Variants in MCM10 observed in about 807,000 individuals in gnomAD.
MCM10 encodes protein MCM10 homolog.
In MCM10, 91 loss-of-function variants were observed where a neutral mutation model predicts 109.9. That is an observed-to-expected ratio of 0.83 (90% CI 0.70 to 0.99). MCM10 has a LOEUF of 0.99. Ranked by LOEUF, MCM10 falls within the 50% of genes least tolerant of loss-of-function variation. MCM10 has a pLI of 0.00. For missense variants in MCM10, 1,077 were observed against 1,061.2 expected (o/e 1.01, Z -0.21); for synonymous variants, 380 against 387.2 (o/e 0.98, Z 0.22).
chr10:13,168,230 G>C (rs1834027342), intron 2 of MCM10, among the ~76,000 whole-genome samples: 1 of 152,222 alleles, frequency 6.6e-6, no homozygotes, highest in Admixed American at 6.5e-5. Context: ...ACAGGGGGCT[G>C]CCTGGCCTCT....
In MCM10 at chr10:13,171,031, C is replaced by T. The variant is rs1834064485; in HGVS notation, c.117C>T (p.Pro39=). The T allele has an allele frequency of 1.9e-6, 3 of 1,613,958 alleles. No individual in the cohort carries two copies. Among genetic ancestry groups the T allele is most frequent in the Admixed American group, 1.7e-5 (1 of 59,984 alleles). Reference sequence around the variant, plus strand: ...TCTTGACGCGGGAAAATGGCGAGCCCGACGCATTTGATGAGCTCTTTGATG... The same window carrying T: ...TCTTGACGCGGGAAAATGGCGAGCCTGACGCATTTGATGAGCTCTTTGATG... ...NNFLTRENGE[P]DAFDELFDAD... is the part of the protein sequence containing the mutation. The change falls in exon 3 of 20, where the codon CCC becomes CCT. Residue 39 remains proline, a synonymous_variant. Transcript: ENST00000378714.
At chr10:13,176,103 T>C (rs1327874755) in intron 6 of MCM10, among the ~76,000 whole-genome samples, 1 of 152,192 alleles carries the variant, frequency 6.6e-6, no homozygotes, top group South Asian at 2.1e-4. Flanking sequence ...CTCTTCTGGG[T>C]CTTTTGCGGT....
At chr10:13,174,989 G>A (rs981397433) in intron 5 of MCM10, among the ~76,000 whole-genome samples, 2 of 152,094 alleles carry the variant, frequency 1.3e-5, no homozygotes, top group African/African-American at 4.8e-5. Context: ...TTAGCCGGAC[G>A]TGGTGGCGCA....
chr10:13,166,648 A>AT lies in MCM10; in HGVS notation c.7+2439_7+2440insT, dbSNP rs1564379490. Among the ~76,000 whole-genome samples the AT allele has an allele frequency of 3.4e-3, 201 of 59,970 alleles. 7 individuals are homozygous for AT. Among genetic ancestry groups the AT allele is most frequent in the African/African-American group, 0.011 (190 of 17,178 alleles). The allele number at this position is 59,970 out of a possible 152,430, so 39.3% of individuals were successfully genotyped here. ...AAAACTCTGTCTCAAAAAAAAAAAA[A>AT]AATACATACATACATATATATATAT... is the stretch of plus-strand genomic sequence containing the variant. On this transcript the variant is annotated intron_variant, in intron 2 of 19. Coordinates refer to ENST00000378714, the MANE Select transcript of MCM10 (RefSeq NM_018518.5).
At chr10:13,175,144 C>T (rs902827387) in intron 5 of MCM10, among the ~76,000 whole-genome samples, 32 of 151,580 alleles carry the variant, frequency 2.1e-4, no homozygotes, top group Admixed American at 4.6e-4. Flanking sequence ...AGGAACAGTT[C>T]GGACTGTGTG....
chr10:13,166,125 A>G (rs1833994040), intron 2 of MCM10, among the ~76,000 whole-genome samples: 1 of 152,002 alleles, frequency 6.6e-6, no homozygotes, highest in Non-Finnish European at 1.5e-5. Flanking sequence ...GCTTCAGAGG[A>G]GAGGGAGAAA....
chr10:13,170,239 G>A (rs1438079551), intron 2 of MCM10, among the ~76,000 whole-genome samples: 1 of 152,176 alleles, frequency 6.6e-6, no homozygotes, highest in African/African-American at 2.4e-5. Context: ...GTTGGGATAA[G>A]ATTTGGCATG....
intron 16 of MCM10, among the ~76,000 whole-genome samples, 157 bp downstream of exon 16, chr10:13,198,964 C>T (rs529698162): frequency 3.3e-5 from 5 of 152,272 alleles, no homozygotes; most frequent in African/African-American, 7.2e-5. Context: ...GGCGCCATCT[C>T]GGCTCAATGC....
chr10:13,166,218 T>C (rs1173356301), intron 2 of MCM10, among the ~76,000 whole-genome samples: 1 of 152,040 alleles, frequency 6.6e-6, no homozygotes, highest in African/African-American at 2.4e-5. Context: ...TGTAAGAATG[T>C]AAGTGGAAGA....
chr10:13,171,362 G>A (rs1456573099), intron 3 of MCM10, 99 bp downstream of exon 3: 4 of 1,107,608 alleles, frequency 3.6e-6, no homozygotes, highest in Non-Finnish European at 5.1e-6. Flanking sequence ...TTCAAGGGTA[G>A]AGATAAATGA....
chr10:13,198,543 T>C (rs11258246), intron 15 of MCM10, 146 bp from the exon 16 acceptor site: 37,788 of 623,336 alleles, frequency 0.061, 1,441 homozygotes, highest in Admixed American at 0.098. Context: ...TCTGAGAGCT[T>C]TTCCCTGCTG....
intron 6 of MCM10, among the ~76,000 whole-genome samples, chr10:13,176,102 G>A (rs1263297992): frequency 1.3e-5 from 2 of 151,972 alleles, no homozygotes; most frequent in African/African-American, 2.4e-5. Flanking sequence ...GCTCTTCTGG[G>A]TCTTTTGCGG....
Position 13,209,269 on chromosome 10 carries a change from AGAG to A in MCM10, c.2588_2590del (p.Gly863del), listed in dbSNP as rs1222107013. The stretch of plus-strand genomic sequence containing the variant: ...GATAGGAGGAGAAACTCTGTTACCA[AGAG>A]GAGAAGAACATGCTAAATTTCTGAA... On this transcript the variant is annotated inframe_deletion, in exon 20 of 20. Coordinates refer to ENST00000378714, the MANE Select transcript of MCM10 (RefSeq NM_018518.5). 3 of 1,614,014 alleles carry A rather than the reference AGAG, an allele frequency of 1.9e-6. No individual in the cohort carries two copies. Among genetic ancestry groups the A allele is most frequent in the Non-Finnish European group, 2.5e-6 (3 of 1,179,994 alleles).
At chr10:13,173,931 T>C (rs1164876197) in intron 5 of MCM10, among the ~76,000 whole-genome samples, 1 of 152,098 alleles carries the variant, frequency 6.6e-6, no homozygotes, top group African/African-American at 2.4e-5. Flanking sequence ...GAGAGAGTGA[T>C]ATTTTATTAA....
chr10:13,170,656 T>G (rs1446689506), intron 2 of MCM10, among the ~76,000 whole-genome samples: 2 of 152,278 alleles, frequency 1.3e-5, no homozygotes, highest in Non-Finnish European at 2.9e-5. Context: ...GGCAAAATGG[T>G]GCATCTGTAG....
At chr10:13,163,905 C>G (rs1489841222) in intron 1 of MCM10, among the ~76,000 whole-genome samples, 4 of 152,100 alleles carry the variant, frequency 2.6e-5, no homozygotes, top group Non-Finnish European at 4.4e-5. Context: ...CTCTGCAGCT[C>G]AATAACTTTC....
chr10:13,163,436 T>C (rs1033554731), intron 1 of MCM10, among the ~76,000 whole-genome samples: 5 of 152,250 alleles, frequency 3.3e-5, no homozygotes, highest in African/African-American at 1.2e-4. Flanking sequence ...GAAAAATGTA[T>C]ACTTTCTTAC....
chr10:13,197,566 A>G (rs1281182745), intron 14 of MCM10, 57 bp from the exon 15 acceptor site: 40 of 1,542,574 alleles, frequency 2.6e-5, no homozygotes, highest in Middle Eastern at 3.4e-4. Flanking sequence ...ATCCAGGTCT[A>G]TAAGTGCCTC....
At chr10:13,161,682 G>A (rs1222246317) in intron 1 of MCM10, 76 bp downstream of exon 1, 1 of 152,390 alleles carries the variant, frequency 6.6e-6, no homozygotes, top group Non-Finnish European at 1.5e-5. Flanking sequence ...GTCTCTGCGC[G>A]GGTTGCAAGG....
Sources: gnomAD v4.1 joint callset for allele counts (sites outside exome capture counted in the v4.1 genomes callset) on GRCh38, gnomAD v4.1.1 for gene constraint, MANE v1.5 for transcripts, NCBI Gene and HGNC (gene_info 2026-07-23, HGNC 2026-07-21) for gene names.